TSEN2: variants seen among roughly 807,000 people sequenced by gnomAD.
TSEN2 encodes the protein tRNA splicing endonuclease subunit 2.
A neutral mutation model predicts 59.2 loss-of-function variants in TSEN2; 54 were observed. The observed-to-expected ratio is 0.91, with a 90% confidence interval of 0.73 to 1.14. The LOEUF (loss-of-function observed/expected upper bound fraction) is 1.14. Ranked by LOEUF, TSEN2 falls within the 50% of genes most tolerant of loss-of-function variation. The pLI, the probability that TSEN2 is intolerant of heterozygous loss-of-function variation, is 0.00. For synonymous variants in TSEN2, 195 were observed against 198.2 expected (o/e 0.98, Z 0.14); for missense variants, 636 against 576.2 (o/e 1.10, Z -1.06).
intron 7 of TSEN2, 24 bp downstream of exon 7, chr3:12,516,685 A>G (rs2056157879): frequency 1.2e-6 from 2 of 1,610,608 alleles, no homozygotes; most frequent in African/African-American, 2.7e-5. Flanking sequence ...TTTACATACA[A>G]CCCACTTAAA....
chr3:12,532,211 C>A (rs1318144406), intron 11 of TSEN2, among the ~76,000 whole-genome samples: 1 of 152,226 alleles, frequency 6.6e-6, no homozygotes, highest in East Asian at 1.9e-4. Flanking sequence ...CCCCTGCAGA[C>A]CTGCTGGTCG....
intron 4 of TSEN2, among the ~76,000 whole-genome samples, chr3:12,498,297 C>A (rs1399327508): frequency 6.6e-6 from 1 of 152,060 alleles, no homozygotes. Context: ...GTCAAGGCCC[C>A]GCAGTTACAG....
chr3:12,485,966 A>G (rs2052573952), intron 1 of TSEN2, among the ~76,000 whole-genome samples: 1 of 152,176 alleles, frequency 6.6e-6, no homozygotes, highest in Non-Finnish European at 1.5e-5. Flanking sequence ...TATATATAAC[A>G]ATTATTTAGT....
At chr3:12,521,264 G>A (rs959445831) in intron 8 of TSEN2, among the ~76,000 whole-genome samples, 3 of 152,234 alleles carry the variant, frequency 2.0e-5, no homozygotes, top group Non-Finnish European at 4.4e-5. Context: ...GAATACAGAA[G>A]TGAACAGGAC....
Position 12,503,801 on chromosome 3 carries a change from A to C in TSEN2, c.831+17A>C. 6.2e-7 allele frequency: 1 copy of C among 1,611,380 alleles called. No individual in the cohort carries two copies. The highest frequency in any genetic ancestry group is 8.5e-7 in the Non-Finnish European group (1 of 1,179,170). ...AATGAGGAAGTAAGTAGAAGAAAAT[A>C]AATCGCTTCCTCCAAAGCCATCCGT... On this transcript the variant is annotated intron_variant, in intron 5 of 11. Transcript: ENST00000284995.
chr3:12,523,523 A>ATTTTTTTTTTTTTTTTTTTTTT (rs1386382924), intron 8 of TSEN2, among the ~76,000 whole-genome samples: 2 of 51,028 alleles, frequency 3.9e-5, no homozygotes, highest in Non-Finnish European at 4.3e-5. Flanking sequence ...TTCCTCTTTG[A>ATTTTTTTTTTTTTTTTTTTTTT]TTCTTTTTTT....
upstream of TSEN2, among the ~76,000 whole-genome samples, chr3:12,480,505 GTTTT>G (rs1026909748): frequency 2.8e-5 from 4 of 140,414 alleles, no homozygotes; most frequent in Non-Finnish European, 6.2e-5. Flanking sequence ...ATGTTGTGTG[GTTTT>G]TGTTTGTTTT....
At chr3:12,498,070 CTT>C (rs74552914) in intron 4 of TSEN2, among the ~76,000 whole-genome samples, 7 of 142,278 alleles carry the variant, frequency 4.9e-5, no homozygotes, top group Admixed American at 2.1e-4. Flanking sequence ...AAATTTTCCT[CTT>C]TTTTTTTTTT....
At chr3:12,532,638 G>A in intron 11 of TSEN2, 24 bp from the exon 12 acceptor site, 10 of 1,613,182 alleles carry the variant, frequency 6.2e-6, no homozygotes, top group Non-Finnish European at 8.5e-6. Context: ...TTTAAGAAAT[G>A]GTCTTTTTTT....
chr3:12,531,381 A>G (rs1396942924), intron 10 of TSEN2, 189 bp from the exon 11 acceptor site: 2 of 593,164 alleles, frequency 3.4e-6, no homozygotes, highest in African/African-American at 1.9e-5. Context: ...TGATTACTAA[A>G]CGGCAGGTAC....
At chr3:12,530,317 T>C (rs1157976533) in intron 10 of TSEN2, 3 of 989,006 alleles carry the variant, frequency 3.0e-6, no homozygotes, top group Non-Finnish European at 3.6e-6. Flanking sequence ...TCCCACCCTG[T>C]TGTTATCCTC....
At chr3:12,488,450 T>C (rs879848952) in intron 1 of TSEN2, among the ~76,000 whole-genome samples, 6 of 152,206 alleles carry the variant, frequency 3.9e-5, no homozygotes, top group Non-Finnish European at 7.3e-5. Flanking sequence ...TGGAATGTCT[T>C]GCACCATTTA....
At chr3:12,503,142 C>T in intron 4 of TSEN2, 120 bp from the exon 5 acceptor site, 10 of 1,032,106 alleles carry the variant, frequency 9.7e-6, no homozygotes, top group South Asian at 5.2e-5. Flanking sequence ...TATAATGCAC[C>T]ATTCAATAAT....
At chr3:12,486,542 A>T (rs1201517434) in intron 1 of TSEN2, among the ~76,000 whole-genome samples, 2 of 152,208 alleles carry the variant, frequency 1.3e-5, no homozygotes, top group Non-Finnish European at 2.9e-5. Flanking sequence ...TGAATTTTTT[A>T]AAATAGCTTT....
At position 12,528,924 on chromosome 3, in the gene TSEN2, G is replaced by A. The variant is rs2057284416; in HGVS notation, c.1136G>A (p.Ser379Asn). Reference sequence around the variant, plus strand: ...AAAGGCCCTCCATTTTACCATGCAAGGTTCGGAGTGATTTTTAAATAAACT... The same window carrying A: ...AAAGGCCCTCCATTTTACCATGCAAAGTTCGGAGTGATTTTTAAATAAACT... The part of the protein sequence containing the change: ...YRKGPPFYHA[S>N]YSVIIELVDD... The change falls in exon 9 of 12, where the codon AGT (serine) becomes AAT (asparagine). Residue 379 changes from serine (S) to asparagine (N), a missense_variant and splice_region_variant. Physicochemically the swap from Ser to Asn is conservative, Grantham distance 46. Transcript: ENST00000284995. 3 of 1,613,888 alleles carry A rather than the reference G, an allele frequency of 1.9e-6. No homozygotes were observed. Among genetic ancestry groups the A allele is most frequent in the Non-Finnish European group, 2.5e-6 (3 of 1,179,964 alleles).
chr3:12,521,610 G>A (rs543152042), intron 8 of TSEN2, among the ~76,000 whole-genome samples: 1 of 152,164 alleles, frequency 6.6e-6, no homozygotes, highest in Non-Finnish European at 1.5e-5. Context: ...AGCTACTTGG[G>A]AGGCTAAGGC....
At chr3:12,519,313 G>A (rs1456369416) in intron 8 of TSEN2, 116 bp downstream of exon 8, 2 of 1,433,054 alleles carry the variant, frequency 1.4e-6, no homozygotes, top group Admixed American at 3.4e-5. Context: ...TATCCTTTGG[G>A]TTTAGATAAG....
chr3:12,527,938 A>G (rs1462326865), intron 8 of TSEN2, among the ~76,000 whole-genome samples: 1 of 152,184 alleles, frequency 6.6e-6, no homozygotes, highest in African/African-American at 2.4e-5. Context: ...GTTCCCTGCC[A>G]GATTCCAGAG....
At chr3:12,528,720 A>G (rs765019095) in intron 8 of TSEN2, among the ~76,000 whole-genome samples, 168 bp from the exon 9 acceptor site, 3 of 152,228 alleles carry the variant, frequency 2.0e-5, no homozygotes, top group Non-Finnish European at 4.4e-5. Context: ...ACCCTGTCTG[A>G]AAAAATAGAC....
Sources: allele counts gnomAD v4.1 joint callset (sites outside exome capture counted in the v4.1 genomes callset), GRCh38; gene constraint gnomAD v4.1.1; transcripts MANE v1.5; gene names NCBI Gene and HGNC (gene_info 2026-07-23, HGNC 2026-07-21).